Variants in ANO4 observed in about 807,000 individuals in gnomAD.
ANO4 encodes the protein anoctamin-4.
ANO4 carries 69 observed loss-of-function variants against 141.9 expected under a neutral mutation model. That is an observed-to-expected ratio of 0.49 (90% confidence interval 0.40 to 0.59). The LOEUF (loss-of-function observed/expected upper bound fraction) is 0.59. Ranked by LOEUF, ANO4 falls within the 20% of genes least tolerant of loss-of-function variation. The pLI is 0.00. For missense variants in ANO4, 894 were observed against 1,162.2 expected (o/e 0.77, Z 3.36); for synonymous variants, 350 against 394.3 (o/e 0.89, Z 1.33).
intron 5 of ANO4, among the ~76,000 whole-genome samples, chr12:100,967,955 G>C (rs1045131575): frequency 6.6e-6 from 1 of 152,162 alleles, no homozygotes; most frequent in Non-Finnish European, 1.5e-5. Context: ...TAAACATTCA[G>C]TTTGGCTGTG....
chr12:100,974,965 A>C (rs2044099161), intron 7 of ANO4, 76 bp downstream of exon 7: 16 of 1,532,086 alleles, frequency 1.0e-5, no homozygotes, highest in South Asian at 9.0e-5. Flanking sequence ...AAGGAGCTAT[A>C]AGCTGGGGAA....
rs1405028889 is a variant in ANO4, at chr12:101,097,700, C to A, written c.1900C>A (p.Leu634Ile). ...CTTGAGGCTGATAAACAGGTGGAGA[C>A]TAGAAGAGGTCTGTATTCTCCCATC... The part of the protein sequence containing the change: ...AYLRLINRWR[L>I]EECHPSGCLI... The change falls in exon 20 of 28, where the codon CTA becomes ATA. Residue 634 changes from leucine (L) to isoleucine (I), a missense_variant. This residue lies in a region of ANO4 where 637 missense variants were observed against 909.2 expected (regional missense o/e 0.70). Coordinates refer to ENST00000392977, the MANE Select transcript of ANO4 (RefSeq NM_001286615.2). The A allele has an allele frequency of 6.2e-7, 1 of 1,613,772 alleles. No homozygotes were observed. Among genetic ancestry groups the A allele is most frequent in the African/African-American group, 1.3e-5 (1 of 75,018 alleles).
intron 2 of ANO4, among the ~76,000 whole-genome samples, chr12:100,917,136 G>C (rs915767739): frequency 1.3e-5 from 2 of 152,024 alleles, no homozygotes; most frequent in Non-Finnish European, 2.9e-5. Flanking sequence ...ATAAAATGTG[G>C]GGAAACTTAA....
rs930191451 is a variant in ANO4, at chr12:100,794,829, T to G, written c.-339T>G. The G allele has an allele frequency of 6.6e-6, 1 of 152,342 alleles. No individual in the cohort carries two copies. Among genetic ancestry groups the G allele is most frequent in the African/African-American group, 2.4e-5 (1 of 41,372 alleles). The allele number at this position is 152,342 out of a possible 1,614,324, so 9.4% of individuals were successfully genotyped here. A position where few individuals can be genotyped will look rare whatever the true frequency, so the allele number is the denominator to read the frequency against. ...GTCCTGTTCCAGACTTCTCAGGGTTTTTACAGCACAAACAACTGCATACGG... is the reference window on the plus strand; with the variant it reads ...GTCCTGTTCCAGACTTCTCAGGGTTGTTACAGCACAAACAACTGCATACGG... On this transcript the variant is annotated 5_prime_UTR_variant, in exon 1 of 28. Transcript: ENST00000392977.
At chr12:100,919,149 TA>T (rs147770384) in intron 2 of ANO4, among the ~76,000 whole-genome samples, 2 of 151,922 alleles carry the variant, frequency 1.3e-5, no homozygotes, top group South Asian at 4.1e-4. Context: ...AGTCAAAAGT[TA>T]AAAAAAATCT....
chr12:100,873,496 G>A (rs1023849909), intron 1 of ANO4, among the ~76,000 whole-genome samples: 2 of 152,172 alleles, frequency 1.3e-5, no homozygotes, highest in Non-Finnish European at 2.9e-5. Context: ...GAGGTTGGAG[G>A]TATCATGCCC....
chr12:100,967,671 CA>C (rs1274217400), intron 5 of ANO4, among the ~76,000 whole-genome samples: 2 of 151,442 alleles, frequency 1.3e-5, no homozygotes, highest in African/African-American at 4.9e-5. Flanking sequence ...TCAAGATAAT[CA>C]AAAAAACCTT....
chr12:101,126,308 ACT>A (rs1285446591), intron 26 of ANO4, among the ~76,000 whole-genome samples: 1 of 152,058 alleles, frequency 6.6e-6, no homozygotes, highest in Non-Finnish European at 1.5e-5. Context: ...AGTGACAGTG[ACT>A]CTAGAATTCC....
rs76380539 is a variant in ANO4 at position 100,969,133 on chromosome 12, T to A, written c.457-2173T>A. ...ACTTCCTGCTTCACAGGAATCACAA[T>A]ATCCACCTAGGCCAGGTCTAACGGC... On this transcript the variant is annotated intron_variant, in intron 5 of 27. Coordinates refer to ENST00000392977, the MANE Select transcript of ANO4 (RefSeq NM_001286615.2). Among the ~76,000 whole-genome samples the A allele has an allele frequency of 2.6e-5, 4 of 152,182 alleles. No individual in the cohort carries two copies. In the East Asian group the frequency reaches 7.7e-4, roughly 29 times the overall value.
At chr12:101,016,218 C>G (rs1402281709) in intron 8 of ANO4, among the ~76,000 whole-genome samples, 1 of 152,090 alleles carries the variant, frequency 6.6e-6, no homozygotes, top group Non-Finnish European at 1.5e-5. Context: ...TTATATAAAC[C>G]TGTACAGGAA....
chr12:101,033,625 G>T (rs773370660), intron 9 of ANO4, among the ~76,000 whole-genome samples: 1 of 152,060 alleles, frequency 6.6e-6, no homozygotes, highest in East Asian at 1.9e-4. Flanking sequence ...TGCAAGAAAA[G>T]CCAAAACTGA....
At chr12:101,120,667 T>G (rs1220618116) in intron 26 of ANO4, 42 bp downstream of exon 26, 1 of 1,498,954 alleles carries the variant, frequency 6.7e-7, no homozygotes, top group East Asian at 2.3e-5. Context: ...TTTGACATAA[T>G]GAAGTCAGTA....
intron 2 of ANO4, among the ~76,000 whole-genome samples, chr12:100,905,727 G>T (rs977997218): frequency 6.6e-6 from 1 of 152,146 alleles, no homozygotes; most frequent in Non-Finnish European, 1.5e-5. Context: ...GTAAGGTCAA[G>T]AGTTTCTTTT....
At chr12:100,878,476 C>T (rs2039419414) in intron 1 of ANO4, among the ~76,000 whole-genome samples, 1 of 152,052 alleles carries the variant, frequency 6.6e-6, no homozygotes, top group African/African-American at 2.4e-5. Context: ...AAATGAGGGC[C>T]CCACTCATGT....
At chr12:100,918,612 A>C (rs1355418310) in intron 2 of ANO4, among the ~76,000 whole-genome samples, 1 of 152,158 alleles carries the variant, frequency 6.6e-6, no homozygotes, top group East Asian at 1.9e-4. Context: ...AGGTGTTGTA[A>C]TGTCATAGTG....
chr12:100,864,172 G>A (rs957621126), intron 1 of ANO4, among the ~76,000 whole-genome samples: 2 of 152,100 alleles, frequency 1.3e-5, no homozygotes, highest in South Asian at 2.1e-4. Context: ...TCGTATGCCC[G>A]TACTTGAACC....
intron 5 of ANO4, among the ~76,000 whole-genome samples, chr12:100,970,719 T>TTCCC (rs2043894416): frequency 8.2e-6 from 1 of 121,784 alleles, no homozygotes; most frequent in East Asian, 3.2e-4. Context: ...CCTTCCTTCC[T>TTCCC]TCCTTCCTTC....
intron 1 of ANO4, among the ~76,000 whole-genome samples, chr12:100,855,119 C>T (rs1363702206): frequency 6.6e-6 from 1 of 152,110 alleles, no homozygotes; most frequent in Non-Finnish European, 1.5e-5. Flanking sequence ...TTCTTTGTTT[C>T]TATAGCTGGG....
intron 14 of ANO4, chr12:101,068,251 G>A: frequency 7.0e-7 from 1 of 1,431,510 alleles, no homozygotes; most frequent in Non-Finnish European, 9.4e-7. Flanking sequence ...CATCGCTTCT[G>A]GGACAAGAGA....
Sources: allele counts gnomAD v4.1 joint callset (sites outside exome capture counted in the v4.1 genomes callset), GRCh38; gene constraint gnomAD v4.1.1; regional missense constraint gnomAD v4.1.1; transcripts MANE v1.5; gene names NCBI Gene and HGNC (gene_info 2026-07-23, HGNC 2026-07-21).